ADAM22: variants seen among roughly 807,000 people sequenced by gnomAD.
ADAM22 encodes the protein disintegrin and metalloproteinase domain-containing protein 22.
In ADAM22, 65 loss-of-function variants were observed where a neutral mutation model predicts 144.6. That is an observed-to-expected ratio of 0.45 (90% CI 0.37 to 0.55). The LOEUF is 0.55. Among genes scored for constraint, ADAM22 ranks in the 20% least tolerant of loss-of-function variants. ADAM22 has a pLI of 0.00. For missense variants in ADAM22, 974 were observed against 1,184.9 expected, an observed-to-expected ratio of 0.82 and a Z score of 2.61; for synonymous variants, 391 against 412.6, an observed-to-expected ratio of 0.95 and a Z score of 0.63.
intron 2 of ADAM22, among the ~76,000 whole-genome samples, chr7:87,967,718 G>T (rs148378448): frequency 4.4e-4 from 63 of 142,594 alleles, no homozygotes; most frequent in African/African-American, 1.6e-3. Context: ...TGAGGCAGGA[G>T]AATTGCTTGA....
At chr7:87,934,991 T>C (rs938509798) in intron 1 of ADAM22, 35 bp from the exon 2 acceptor site, 2 of 1,613,774 alleles carry the variant, frequency 1.2e-6, no homozygotes, top group Non-Finnish European at 1.7e-6. Context: ...TCGCCTTTTC[T>C]CTCCACTCCC....
intron 3 of ADAM22, among the ~76,000 whole-genome samples, chr7:87,992,750 C>T (rs577791914): frequency 1.6e-3 from 241 of 152,154 alleles, no homozygotes; most frequent in Non-Finnish European, 3.0e-3. Flanking sequence ...GATTCATGAT[C>T]TCGTATAACT....
intron 4 of ADAM22, among the ~76,000 whole-genome samples, chr7:88,093,901 G>A (rs1365206644): frequency 6.6e-6 from 1 of 152,080 alleles, no homozygotes; most frequent in African/African-American, 2.4e-5. Flanking sequence ...AAGAGCAGAT[G>A]GACTTGATTT....
In ADAM22 at chr7:88,168,148, A is replaced by G; in HGVS notation, c.2203A>G (p.Thr735Ala). ...TTTTTTCCTCTCAGGTGTTGCTGGC[A>G]CCAATATCATAATAGGCATAATTGC... Reference protein sequence around the residue: ...ITLSGNGVAGTNIIIGIIAGT... With the variant: ...ITLSGNGVAGANIIIGIIAGT... Residue 735 changes from threonine (T) to alanine (A), a missense_variant, in exon 25 of 32, where the codon ACC becomes GCC. Coordinates refer to ENST00000413139, the MANE Select transcript of ADAM22 (RefSeq NM_001324418.2). The G allele has an allele frequency of 6.2e-7, 1 of 1,613,154 alleles. No homozygotes were observed. Among genetic ancestry groups the G allele is most frequent in the Non-Finnish European group, 8.5e-7 (1 of 1,179,520 alleles).
rs190105240 is a variant in ADAM22 at position 88,015,456 on chromosome 7, C to G, written c.323+37044C>G. 2.0e-5 allele frequency among the ~76,000 whole-genome samples: 3 copies of G among 152,266 alleles called. No individual in the cohort carries two copies. The East Asian group carries it at 5.8e-4, about 29-fold the overall frequency. ...CTGCCCTTAGTTGTACATTTGGAATCAATCATCACAGGCATGCATAGCTGC... is the reference window on the plus strand; with the variant it reads ...CTGCCCTTAGTTGTACATTTGGAATGAATCATCACAGGCATGCATAGCTGC... On this transcript the variant is annotated intron_variant, in intron 3 of 31. Coordinates refer to ENST00000413139, the MANE Select transcript of ADAM22 (RefSeq NM_001324418.2).
rs1169077352 is a variant in ADAM22, at chr7:88,053,624, GAA to G, written c.324-22000_324-21999del. Among the ~76,000 whole-genome samples the G allele has an allele frequency of 6.9e-5, 8 of 116,422 alleles. No homozygotes were observed. In the East Asian group the frequency reaches 2.1e-3, roughly 30 times the overall value. The allele number at this position is 116,422 out of a possible 152,430, so 76.4% of individuals were successfully genotyped here. On this transcript the variant is annotated intron_variant, in intron 3 of 31. Coordinates refer to ENST00000413139, the MANE Select transcript of ADAM22 (RefSeq NM_001324418.2). The stretch of plus-strand genomic sequence containing the variant: ...AGAAAGAAAGAAAGAAAGAAAGAAA[GAA>G]AGAAAGAAAGAAAGAAAGAAAGAAA...
intron 30 of ADAM22, among the ~76,000 whole-genome samples, chr7:88,187,383 A>T (rs1848555231): frequency 6.6e-6 from 1 of 152,264 alleles, no homozygotes. Flanking sequence ...TAATACTTCA[A>T]ATAGAACAGG....
intron 2 of ADAM22, among the ~76,000 whole-genome samples, chr7:87,957,007 C>T (rs1356994551): frequency 6.6e-6 from 1 of 152,152 alleles, no homozygotes; most frequent in African/African-American, 2.4e-5. Flanking sequence ...TTCTTTAAAA[C>T]CCTGCCTATG....
chr7:88,012,444 C>G (rs1174226184), intron 3 of ADAM22, among the ~76,000 whole-genome samples: 1 of 152,080 alleles, frequency 6.6e-6, no homozygotes, highest in African/African-American at 2.4e-5. Flanking sequence ...ATAATAGGAG[C>G]AAAGGTATAT....
chr7:88,044,465 G>T (rs1274391415), intron 3 of ADAM22, among the ~76,000 whole-genome samples: 1 of 152,152 alleles, frequency 6.6e-6, no homozygotes, highest in African/African-American at 2.4e-5. Flanking sequence ...GTTTGTTTTT[G>T]AGATGGAGTC....
At position 88,149,063 on chromosome 7, in the gene ADAM22, T is replaced by C; in HGVS notation, c.1566+6T>C. Reference sequence around the variant, plus strand: ...GCTCAGGAAATTCAAGCCAGGTAATTTACAAAATAACTGCTCTAAAACTTA... The same window carrying C: ...GCTCAGGAAATTCAAGCCAGGTAATCTACAAAATAACTGCTCTAAAACTTA... On this transcript the variant is annotated splice_donor_region_variant and intron_variant, in intron 18 of 31. Coordinates refer to ENST00000413139, the MANE Select transcript of ADAM22 (RefSeq NM_001324418.2). 6.2e-7 allele frequency: 1 copy of C among 1,609,468 alleles called. No homozygotes were observed. Among genetic ancestry groups the C allele is most frequent in the Non-Finnish European group, 8.5e-7 (1 of 1,176,614 alleles).
chr7:88,189,628 C>A (rs976835504), intron 30 of ADAM22, among the ~76,000 whole-genome samples: 7 of 152,110 alleles, frequency 4.6e-5, no homozygotes, highest in Admixed American at 1.3e-4. Context: ...GACTTGAATC[C>A]TCTCTTAGTA....
At chr7:88,189,309 T>C (rs184150297) in intron 30 of ADAM22, among the ~76,000 whole-genome samples, 2 of 152,316 alleles carry the variant, frequency 1.3e-5, no homozygotes, top group East Asian at 3.9e-4. Context: ...ATTATCCCAT[T>C]GATTACTCAC....
chr7:88,134,510 G>C (rs1003594988), intron 13 of ADAM22, 91 bp downstream of exon 13: 2 of 887,266 alleles, frequency 2.3e-6, no homozygotes, highest in Non-Finnish European at 1.7e-6. Flanking sequence ...TTAGTTGCTT[G>C]ATGAAAGGAA....
intron 3 of ADAM22, among the ~76,000 whole-genome samples, chr7:88,057,729 T>C (rs747568515): frequency 9.2e-5 from 14 of 152,180 alleles, no homozygotes; most frequent in Non-Finnish European, 1.8e-4. Context: ...TTGGCTGATA[T>C]TTGCTGGAAA....
intron 4 of ADAM22, among the ~76,000 whole-genome samples, chr7:88,099,852 C>A (rs1822436869): frequency 6.6e-6 from 1 of 152,058 alleles, no homozygotes; most frequent in African/African-American, 2.4e-5. Flanking sequence ...GTTGCCATTT[C>A]TTCTATTTTG....
chr7:88,029,286 TAATATA>T (rs1223103941), intron 3 of ADAM22, among the ~76,000 whole-genome samples: 2 of 152,142 alleles, frequency 1.3e-5, no homozygotes, highest in African/African-American at 4.8e-5. Context: ...GGCTTGTAAA[TAATATA>T]ATCCACTATT....
chr7:87,954,134 C>T (rs1211607682), intron 2 of ADAM22, among the ~76,000 whole-genome samples: 2 of 151,996 alleles, frequency 1.3e-5, no homozygotes, highest in East Asian at 3.9e-4. Context: ...AGCATTTAGT[C>T]CATTTACATT....
chr7:88,143,200 G>C, intron 15 of ADAM22, 75 bp downstream of exon 15: 1 of 1,074,840 alleles, frequency 9.3e-7, no homozygotes, highest in East Asian at 2.4e-5. Context: ...CACATTTTCA[G>C]CTATTGAATC....
Sources: gnomAD v4.1 joint callset for allele counts (sites outside exome capture counted in the v4.1 genomes callset) on GRCh38, gnomAD v4.1.1 for gene constraint, MANE v1.5 for transcripts, NCBI Gene and HGNC (gene_info 2026-07-23, HGNC 2026-07-21) for gene names.